The following SERINC3 variants were observed in gnomAD, a reference collection of about 807,000 sequenced individuals.
SERINC3 encodes the protein tumor differentially expressed protein 1.
SERINC3 carries 22 observed loss-of-function variants against 52.1 expected under a neutral mutation model. That is an observed-to-expected ratio of 0.42 (90% CI 0.30 to 0.60). The LOEUF (loss-of-function observed/expected upper bound fraction) is 0.60, where lower values mean the gene tolerates loss of function less well. Among genes scored for constraint, SERINC3 ranks in the 20% least tolerant of loss-of-function variants. The pLI is 0.16. For synonymous variants in SERINC3, 226 were observed against 212.7 expected, an observed-to-expected ratio of 1.06 and a Z score of -0.54; for missense variants, 564 against 584.6, an observed-to-expected ratio of 0.96 and a Z score of 0.36.
intron 1 of SERINC3, among the ~76,000 whole-genome samples, chr20:44,518,651 G>T (rs2064396206): frequency 6.6e-6 from 1 of 151,982 alleles, no homozygotes; most frequent in Non-Finnish European, 1.5e-5. Context: ...CTTTCTCCCA[G>T]CTTCCTTTTT....
chr20:44,508,035 G>C (rs1357034866), intron 5 of SERINC3, among the ~76,000 whole-genome samples: 1 of 152,162 alleles, frequency 6.6e-6, no homozygotes, highest in African/African-American at 2.4e-5. Flanking sequence ...AATGAATTTT[G>C]CATGTCTAAA....
chr20:44,521,153 A>G (rs1257055863), intron 1 of SERINC3, among the ~76,000 whole-genome samples: 1 of 152,238 alleles, frequency 6.6e-6, no homozygotes, highest in East Asian at 1.9e-4. Context: ...CTTTTTCTAC[A>G]CACTTGGTCA....
intron 6 of SERINC3, among the ~76,000 whole-genome samples, chr20:44,506,075 TG>T (rs1828878249): frequency 6.6e-6 from 1 of 151,112 alleles, no homozygotes; most frequent in African/African-American, 2.4e-5. Context: ...CTGAGATGGG[TG>T]GATCACCTGA....
chr20:44,501,225 T>C lies in SERINC3; in HGVS notation c.1131A>G (p.Thr377=), dbSNP rs1294317113. The change falls in exon 9 of 10, where the codon ACA becomes ACG. Residue 377 remains threonine (T), a synonymous_variant. Transcript: ENST00000342374. ...CTTCATCACTGGCACCACTGGTAGT[T>C]GTATCACCAAGGATGACGCTGTCAC... ...SGSDSVILGD[T]TTSGASDEED... 3 of 1,614,162 alleles carry C rather than the reference T, an allele frequency of 1.9e-6. No individual in the cohort carries two copies. Among genetic ancestry groups the C allele is most frequent in the Non-Finnish European group, 2.5e-6 (3 of 1,180,022 alleles).
At position 44,509,851 on chromosome 20, in the gene SERINC3, T is replaced by C. The variant is rs1446210748; in HGVS notation, c.613+40A>G. Reference sequence around the variant, plus strand: ...GATTTTTATTGTACACCGTGCTTAATGTAGCAGTATGGCTAACATAGGTGA... The same window carrying C: ...GATTTTTATTGTACACCGTGCTTAACGTAGCAGTATGGCTAACATAGGTGA... On this transcript the variant is annotated intron_variant, in intron 5 of 9. Transcript: ENST00000342374. The C allele has an allele frequency of 4.4e-6, 7 of 1,604,730 alleles. 1 individual carries two copies. The Admixed American group carries it at 5.0e-5, about 11-fold the overall frequency.
At chr20:44,502,614 CA>C (rs2064287029) in intron 8 of SERINC3, among the ~76,000 whole-genome samples, 1 of 149,350 alleles carries the variant, frequency 6.7e-6, no homozygotes, top group African/African-American at 2.5e-5. Context: ...ACACAAAAAT[CA>C]ATTGTATTTC....
intron 6 of SERINC3, among the ~76,000 whole-genome samples, chr20:44,506,099 G>A (rs541172458): frequency 1.3e-5 from 2 of 150,148 alleles, no homozygotes; most frequent in African/African-American, 4.9e-5. Context: ...TCAGGAGTTC[G>A]AGACCAGCCT....
At chr20:44,505,029 A>T in intron 6 of SERINC3, 138 bp from the exon 7 acceptor site, 3 of 596,554 alleles carry the variant, frequency 5.0e-6, no homozygotes, top group Non-Finnish European at 9.0e-6. Context: ...GAAAGGTGAC[A>T]AGTAACCTTC....
intron 5 of SERINC3, among the ~76,000 whole-genome samples, chr20:44,508,283 G>A (rs1307474493): frequency 4.6e-5 from 7 of 152,098 alleles, no homozygotes; most frequent in African/African-American, 1.4e-4. Flanking sequence ...CAGGAGTTCC[G>A]GCAACATGGC....
intron 7 of SERINC3, 131 bp downstream of exon 7, chr20:44,504,670 T>C (rs889699817): frequency 7.5e-6 from 5 of 670,396 alleles, no homozygotes; most frequent in African/African-American, 5.3e-5. Context: ...AAACCTACAG[T>C]GAACACTGTA....
chr20:44,505,236 C>T (rs1197312589), intron 6 of SERINC3, among the ~76,000 whole-genome samples: 1 of 152,186 alleles, frequency 6.6e-6, no homozygotes, highest in Non-Finnish European at 1.5e-5. Context: ...TTTGAGACTT[C>T]TGTTTTCTCA....
chr20:44,512,003 CCATT>C (rs1156448659), intron 3 of SERINC3, among the ~76,000 whole-genome samples: 6 of 152,156 alleles, frequency 3.9e-5, no homozygotes, highest in African/African-American at 1.4e-4. Context: ...TTATAAAACG[CCATT>C]CAGTCTTTGA....
intron 8 of SERINC3, among the ~76,000 whole-genome samples, chr20:44,501,581 T>C (rs1236235383): frequency 6.6e-6 from 1 of 152,228 alleles, no homozygotes; most frequent in Non-Finnish European, 1.5e-5. Context: ...GTGCCGCTTC[T>C]ATGATTGGAA....
At chr20:44,506,471 A>G (rs982840702) in intron 6 of SERINC3, among the ~76,000 whole-genome samples, 4 of 149,780 alleles carry the variant, frequency 2.7e-5, no homozygotes, top group East Asian at 4.0e-4. Context: ...CTGTGATCCC[A>G]GCTACTCGGG....
chr20:44,518,680 C>T (rs1339102983), intron 1 of SERINC3, among the ~76,000 whole-genome samples: 2 of 139,902 alleles, frequency 1.4e-5, no homozygotes, highest in Non-Finnish European at 3.2e-5. Flanking sequence ...ATTAGAAAGC[C>T]TTGGCTGGGT....
rs760064770 is a variant in SERINC3, at chr20:44,503,957, G to T, written c.913C>A (p.Arg305Ser). 6.3e-7 allele frequency: 1 copy of T among 1,599,666 alleles called. No individual in the cohort carries two copies. The highest frequency in any genetic ancestry group is 8.5e-7 in the Non-Finnish European group (1 of 1,175,784). The change falls in exon 8 of 10, where the codon CGC (arginine) becomes AGC (serine). Residue 305 changes from arginine to serine, a missense_variant. Coordinates refer to ENST00000342374, the MANE Select transcript of SERINC3 (RefSeq NM_006811.4). ...GGAGCCAGGGTTGGTGCAGTTATGC[G>T]TGTAATAAAGCTCATCAGGTTGGGA... ...CNPNLMSFIT[R>S]ITAPTLAPGN...
At chr20:44,500,758 ACATT>A (rs1325433289) in intron 9 of SERINC3, among the ~76,000 whole-genome samples, 1 of 152,174 alleles carries the variant, frequency 6.6e-6, no homozygotes, top group African/African-American at 2.4e-5. Context: ...CTTCCTTAGT[ACATT>A]ATTACGGGAA....
At position 44,504,003 on chromosome 20, in the gene SERINC3, T is replaced by G; in HGVS notation, c.875-8A>C. ...TGGGATTGCAGGAACGATCTGAAAA[T>G]GAGAAAATTTGTATTATCCTTGGTT... On this transcript the variant is annotated splice_region_variant and splice_polypyrimidine_tract_variant and intron_variant, in intron 7 of 9. Coordinates refer to ENST00000342374, the MANE Select transcript of SERINC3 (RefSeq NM_006811.4). 6.4e-7 allele frequency: 1 copy of G among 1,571,462 alleles called. No individual in the cohort carries two copies. The highest frequency in any genetic ancestry group is 1.2e-5 in the South Asian group (1 of 81,240).
intron 7 of SERINC3, among the ~76,000 whole-genome samples, chr20:44,504,250 T>G (rs2064297899): frequency 6.6e-6 from 1 of 152,260 alleles, no homozygotes; most frequent in Non-Finnish European, 1.5e-5. Flanking sequence ...GTTTTGTAGT[T>G]TGACAAATCT....
Sources: allele counts gnomAD v4.1 joint callset (sites outside exome capture counted in the v4.1 genomes callset), GRCh38; gene constraint gnomAD v4.1.1; transcripts MANE v1.5; gene names NCBI Gene and HGNC (gene_info 2026-07-23, HGNC 2026-07-21).